GCNT4: variants seen among roughly 807,000 people sequenced by gnomAD.
GCNT4 encodes beta-1,3-galactosyl-O-glycosyl-glycoprotein beta-1,6-N-acetylglucosaminyltransferase 4.
In GCNT4, 17 loss-of-function variants were observed where a neutral mutation model predicts 31.3. That is an observed-to-expected ratio of 0.54 (90% CI 0.37 to 0.81). GCNT4 has a LOEUF of 0.81. GCNT4 is among the 40% of genes least tolerant of loss of function. The probability of loss-of-function intolerance (pLI) is 0.00; values close to 1 mark genes in which losing one functional copy is unlikely to be tolerated. For synonymous variants in GCNT4, 158 were observed against 190.6 expected (o/e 0.83, Z 1.41); for missense variants, 503 against 525.5 (o/e 0.96, Z 0.42).
At chr5:75,045,949 A>G (rs955977204) in intron 3 of GCNT4, among the ~76,000 whole-genome samples, 1 of 152,160 alleles carries the variant, frequency 6.6e-6, no homozygotes, top group Non-Finnish European at 1.5e-5. Flanking sequence ...TTTTACATTC[A>G]GGGATTTTCT....
At chr5:75,046,262 G>A (rs1580246621) in intron 3 of GCNT4, among the ~76,000 whole-genome samples, 1 of 152,202 alleles carries the variant, frequency 6.6e-6, no homozygotes, top group African/African-American at 2.4e-5. Flanking sequence ...GAAGGAACCT[G>A]GTAGAAGGTG....
At chr5:75,047,510 G>C (rs1172023480) in intron 3 of GCNT4, among the ~76,000 whole-genome samples, 1 of 152,112 alleles carries the variant, frequency 6.6e-6, no homozygotes, top group African/African-American at 2.4e-5. Flanking sequence ...TGGGGTTTTG[G>C]GGGAGGCTTG....
At chr5:75,035,649 G>A (rs1353210688) in intron 3 of GCNT4, among the ~76,000 whole-genome samples, 2 of 152,196 alleles carry the variant, frequency 1.3e-5, no homozygotes, top group African/African-American at 4.8e-5. Flanking sequence ...TCCTCACCGG[G>A]TGTGACCTCC....
At chr5:75,031,067 A>C (rs1341826131) in intron 3 of GCNT4, among the ~76,000 whole-genome samples, 1 of 151,538 alleles carries the variant, frequency 6.6e-6, no homozygotes, top group Non-Finnish European at 1.5e-5. Flanking sequence ...TACATTAGCA[A>C]ACTTTTTCTC....
At chr5:75,018,654 T>C in the GCNT4 span, among the ~76,000 whole-genome samples, 1 of 152,290 alleles carries the variant, frequency 6.6e-6, no homozygotes, top group South Asian at 2.1e-4. Context: ...GGGATTGAAC[T>C]CTTCAGTCTG....
the GCNT4 span, among the ~76,000 whole-genome samples, chr5:75,019,728 A>G: frequency 5.9e-5 from 9 of 152,222 alleles, no homozygotes; most frequent in African/African-American, 1.2e-4. Context: ...CAATATATGT[A>G]TATTTAGTAA....
rs777726179 is a variant in GCNT4 at position 75,030,064 on chromosome 5, A to T, written c.-1-26T>A. 64 of 1,556,048 alleles carry T rather than the reference A, an allele frequency of 4.1e-5. 1 individual carries two copies. In the South Asian group the frequency reaches 7.9e-4, roughly 19 times the overall value. Reference sequence around the variant, plus strand: ...CTGTAAGAGGAGAAAGAAATAATCCAGTTGGAATATTAACAGAAAATCAGG... The same window carrying T: ...CTGTAAGAGGAGAAAGAAATAATCCTGTTGGAATATTAACAGAAAATCAGG... On this transcript the variant is annotated intron_variant, in intron 3 of 3. Transcript: ENST00000652361.
chr5:75,053,710 C>T (rs1356619580), upstream of GCNT4, among the ~76,000 whole-genome samples: 1 of 152,004 alleles, frequency 6.6e-6, no homozygotes, highest in African/African-American at 2.4e-5. Flanking sequence ...CCGTGACGTG[C>T]GGAGAAAGTA....
chr5:75,037,948 T>TAA (rs374826808), intron 3 of GCNT4, among the ~76,000 whole-genome samples: 1 of 134,258 alleles, frequency 7.4e-6, no homozygotes, highest in South Asian at 2.4e-4. Context: ...CCACTTTCAT[T>TAA]AAAAAAAAAA....
intron 3 of GCNT4, among the ~76,000 whole-genome samples, chr5:75,033,453 A>G (rs980163724): frequency 6.6e-6 from 1 of 152,152 alleles, no homozygotes; most frequent in African/African-American, 2.4e-5. Flanking sequence ...GTGAATTTCA[A>G]AGAAAGAAGG....
upstream of GCNT4, among the ~76,000 whole-genome samples, chr5:75,053,399 A>C (rs919988831): frequency 6.6e-6 from 1 of 151,948 alleles, no homozygotes; most frequent in African/African-American, 2.4e-5. Flanking sequence ...CGGCGGGAAA[A>C]CGAAAGTCGT....
intron 3 of GCNT4, among the ~76,000 whole-genome samples, chr5:75,032,270 T>A (rs1743080338): frequency 6.6e-6 from 1 of 152,142 alleles, no homozygotes; most frequent in Non-Finnish European, 1.5e-5. Context: ...ACTGATGCCT[T>A]TCCATATTCC....
chr5:75,029,565 T>C lies in GCNT4; in HGVS notation c.473A>G (p.Asn158Ser). The change falls in exon 4 of 4, where the codon AAT becomes AGT. Residue 158 changes from asparagine to serine, a missense_variant. Coordinates refer to ENST00000652361, the MANE Select transcript of GCNT4 (RefSeq NM_001366737.1). ...ACGATCATAATGGATGCAGTAAATA[T>C]TGTGCTGGTTGTATATAGCATGGAT... is the stretch of plus-strand genomic sequence containing the variant. Reference protein sequence around the residue: ...RLIHAIYNQHNIYCIHYDRKA... With the variant: ...RLIHAIYNQHSIYCIHYDRKA... The C allele has an allele frequency of 6.2e-7, 1 of 1,614,174 alleles. No individual in the cohort carries two copies. The highest frequency in any genetic ancestry group is 8.5e-7 in the Non-Finnish European group (1 of 1,180,024).
Position 75,028,830 on chromosome 5 carries a change from T to G in GCNT4, c.1208A>C (p.Lys403Thr). 2 of 1,614,126 alleles carry G rather than the reference T, an allele frequency of 1.2e-6. No individual in the cohort carries two copies. The highest frequency in any genetic ancestry group is 1.7e-6 in the Non-Finnish European group (2 of 1,180,010). ...YGAAELRWLIKDGHWFANKFD... is the reference protein window; with the variant it reads ...YGAAELRWLITDGHWFANKFD... ...TTTATTAGCAAACCAATGTCCATCT[T>G]TGATAAGCCACCTTAATTCTGCAGC... Residue 403 changes from lysine (K) to threonine (T), a missense_variant, in exon 4 of 4, where the codon AAA becomes ACA. By Grantham distance (78) the Lys-to-Thr change is moderately conservative (BLOSUM62 -1). Coordinates refer to ENST00000652361, the MANE Select transcript of GCNT4 (RefSeq NM_001366737.1).
Position 75,029,634 on chromosome 5 carries a change from T to C in GCNT4, c.404A>G (p.Tyr135Cys), listed in dbSNP as rs1228101223. 1 of 1,614,168 alleles carries C rather than the reference T, an allele frequency of 6.2e-7. No individual in the cohort carries two copies. Among genetic ancestry groups the C allele is most frequent in the Non-Finnish European group, 8.5e-7 (1 of 1,180,036 alleles). ...SKEEKSFPIA[Y>C]SLVVHKDAIM... ...TGCATCTTTGTGGACAACCAAAGAA[T>C]AGGCTATTGGGAAGCTTTTCTCCTC... Residue 135 changes from tyrosine to cysteine, a missense_variant, in exon 4 of 4, where the codon TAT (tyrosine) becomes TGT (cysteine). Physicochemically the swap from Tyr to Cys is radical, Grantham distance 194. Coordinates refer to ENST00000652361, the MANE Select transcript of GCNT4 (RefSeq NM_001366737.1).
At chr5:75,043,101 G>A (rs541730126) in intron 3 of GCNT4, among the ~76,000 whole-genome samples, 2 of 152,270 alleles carry the variant, frequency 1.3e-5, no homozygotes, top group South Asian at 4.1e-4. Flanking sequence ...AAGTTAACAG[G>A]TCTTTCTCAA....
chr5:75,033,285 C>T (rs1353820781), intron 3 of GCNT4, among the ~76,000 whole-genome samples: 1 of 152,196 alleles, frequency 6.6e-6, no homozygotes, highest in Non-Finnish European at 1.5e-5. Context: ...CTGACTCTAG[C>T]CTGGGATGGG....
rs752953004 is a variant in GCNT4, at chr5:75,029,293, C to A, written c.745G>T (p.Ala249Ser). The A allele has an allele frequency of 1.2e-6, 2 of 1,614,118 alleles. No homozygotes were observed. The highest frequency in any genetic ancestry group is 1.7e-6 in the Non-Finnish European group (2 of 1,180,010). The change falls in exon 4 of 4, where the codon GCA (alanine) becomes TCA (serine). Residue 249 changes from alanine to serine, a missense_variant. By Grantham distance (99) the Ala-to-Ser change is moderately conservative (BLOSUM62 1). Coordinates refer to ENST00000652361, the MANE Select transcript of GCNT4 (RefSeq NM_001366737.1). ...GGTTTCACCGTCTCCAACATATTTG[C>A]TCCATTGAGTTTTTTCAACTCTGAC... is the stretch of plus-strand genomic sequence containing the variant. ...LVSELKKLNG[A>S]NMLETVKPPN...
At chr5:75,036,346 CTATTA>C (rs1251416820) in intron 3 of GCNT4, among the ~76,000 whole-genome samples, 4 of 151,766 alleles carry the variant, frequency 2.6e-5, no homozygotes, top group Admixed American at 2.0e-4. Flanking sequence ...TGTTATCCCT[CTATTA>C]TAAGAAAGGA....
Sources: gnomAD v4.1 joint callset for allele counts (sites outside exome capture counted in the v4.1 genomes callset) on GRCh38, gnomAD v4.1.1 for gene constraint, MANE v1.5 for transcripts, NCBI Gene and HGNC (gene_info 2026-07-23, HGNC 2026-07-21) for gene names.